The following SANBR variants were observed in gnomAD, a reference collection of about 807,000 sequenced individuals.
SANBR encodes SANT and BTB domain regulator of class switch recombination.
In SANBR, 77 loss-of-function variants were observed where a neutral mutation model predicts 101.8. The ratio of observed to expected loss-of-function variants is 0.76; its 90% CI spans 0.63 to 0.91. The LOEUF is 0.91. Ranked by LOEUF, SANBR falls within the 40% of genes least tolerant of loss-of-function variation. SANBR has a pLI of 0.00. For synonymous variants in SANBR, 279 were observed against 274.7 expected (o/e 1.02, Z -0.15); for missense variants, 875 against 853.0 (o/e 1.03, Z -0.32).
chr2:61,089,228 A>G, intron 10 of SANBR: 5 of 983,346 alleles, frequency 5.1e-6, no homozygotes, highest in Non-Finnish European at 6.0e-6. Flanking sequence ...ATTAATATGT[A>G]GGCCGGGCAC....
At chr2:61,068,079 CT>C (rs911703766) in intron 1 of SANBR, among the ~76,000 whole-genome samples, 16 of 152,156 alleles carry the variant, frequency 1.1e-4, no homozygotes, top group African/African-American at 3.9e-4. Flanking sequence ...GCTGGTCACA[CT>C]TTTGGGGAAT....
chr2:61,130,856 G>A (rs1684665264), intron 20 of SANBR, among the ~76,000 whole-genome samples: 1 of 138,674 alleles, frequency 7.2e-6, no homozygotes, highest in African/African-American at 2.7e-5. Flanking sequence ...CCTGAACTTG[G>A]GAAGTGGAGG....
At chr2:61,113,316 T>C (rs1192513007) in intron 16 of SANBR, among the ~76,000 whole-genome samples, 1 of 152,234 alleles carries the variant, frequency 6.6e-6, no homozygotes, top group African/African-American at 2.4e-5. Flanking sequence ...TCAAGGTACG[T>C]TGCATTTTCT....
chr2:61,098,602 A>G (rs1296941227), intron 12 of SANBR, among the ~76,000 whole-genome samples: 2 of 152,194 alleles, frequency 1.3e-5, no homozygotes, highest in African/African-American at 2.4e-5. Flanking sequence ...GACTGATGGT[A>G]TTACTGTGTT....
intron 13 of SANBR, among the ~76,000 whole-genome samples, chr2:61,105,706 T>A (rs1263344278): frequency 2.7e-5 from 4 of 146,608 alleles, no homozygotes; most frequent in African/African-American, 1.0e-4. Context: ...GGAGTCTCGC[T>A]CTGTCACCAG....
intron 7 of SANBR, among the ~76,000 whole-genome samples, chr2:61,082,420 G>C (rs1180449051): frequency 6.6e-6 from 1 of 152,146 alleles, no homozygotes; most frequent in Non-Finnish European, 1.5e-5. Flanking sequence ...TGTTGTAGAG[G>C]ATGGAAGGAA....
chr2:61,103,630 C>A (rs912830311), intron 12 of SANBR, among the ~76,000 whole-genome samples: 2 of 152,108 alleles, frequency 1.3e-5, no homozygotes, highest in African/African-American at 4.8e-5. Context: ...TCGTAATGTT[C>A]TAATTCTTAA....
intron 19 of SANBR, 74 bp from the exon 20 acceptor site, chr2:61,117,954 A>T: frequency 9.4e-7 from 1 of 1,067,594 alleles, no homozygotes; most frequent in Non-Finnish European, 1.4e-6. Flanking sequence ...CTAGGTGATT[A>T]CAGTCTTTTT....
intron 5 of SANBR, among the ~76,000 whole-genome samples, chr2:61,076,183 C>T (rs540593558): frequency 4.0e-5 from 6 of 150,948 alleles, no homozygotes; most frequent in East Asian, 3.9e-4. Context: ...TCAGTAGAGA[C>T]GGGGTTTCAC....
At chr2:61,104,411 G>A (rs900148099) in intron 13 of SANBR, among the ~76,000 whole-genome samples, 1 of 151,896 alleles carries the variant, frequency 6.6e-6, no homozygotes, top group Non-Finnish European at 1.5e-5. Context: ...GAACCCGGGA[G>A]GTGGAGCTGG....
intron 17 of SANBR, chr2:61,117,057 C>CAA (rs200334199): frequency 3.1e-3 from 966 of 314,742 alleles, no homozygotes; most frequent in Middle Eastern, 5.9e-3. Context: ...ACCCTGTCTT[C>CAA]AAAAAAAAAA....
chr2:61,076,822 A>G (rs1440696246), intron 5 of SANBR, 98 bp from the exon 6 acceptor site: 4 of 843,564 alleles, frequency 4.7e-6, no homozygotes, highest in Non-Finnish European at 7.5e-6. Flanking sequence ...CAGAATTTTC[A>G]AAAACATCTT....
At chr2:61,100,198 G>A (rs534285717) in intron 12 of SANBR, among the ~76,000 whole-genome samples, 11 of 152,212 alleles carry the variant, frequency 7.2e-5, no homozygotes, top group South Asian at 4.1e-4. Context: ...TCTGCCTCCC[G>A]GGCTCAAGCG....
intron 13 of SANBR, 47 bp downstream of exon 13, chr2:61,104,045 G>C (rs373543657): frequency 1.8e-5 from 28 of 1,556,662 alleles, no homozygotes; most frequent in Non-Finnish European, 2.4e-5. Flanking sequence ...TTATTCAGCA[G>C]TTCCCATTTC....
At chr2:61,126,957 T>G (rs1156424899), downstream of SANBR, among the ~76,000 whole-genome samples, 1 of 152,164 alleles carries the variant, frequency 6.6e-6, no homozygotes, top group Non-Finnish European at 1.5e-5. Flanking sequence ...CAGGTTTTAA[T>G]TTAGATCTTA....
chr2:61,122,338 T>C lies in SANBR; in HGVS notation c.*176T>C. 1.4e-5 allele frequency: 18 copies of C among 1,243,276 alleles called. No homozygotes were observed. Among genetic ancestry groups the C allele is most frequent in the Non-Finnish European group, 1.9e-5 (18 of 965,252 alleles). The allele number at this position is 1,243,276 out of a possible 1,614,324, so 77.0% of individuals were successfully genotyped here. A position where few individuals can be genotyped will look rare whatever the true frequency, so the allele number is the denominator to read the frequency against. On this transcript the variant is annotated 3_prime_UTR_variant, in exon 22 of 22. Transcript: ENST00000402291. ...ATAGTTAGGTTTTATGAAAATCTAA[T>C]TGTAAATATGAAACTTTTTAAATCT...
In SANBR at chr2:61,122,937, C is replaced by T. The variant is rs551762368; in HGVS notation, c.*775C>T. On this transcript the variant is annotated 3_prime_UTR_variant, in exon 22 of 22. Coordinates refer to ENST00000402291, the MANE Select transcript of SANBR (RefSeq NM_001129993.3). ...AAATCATTTCTGTTATATGAGACAC[C>T]CACTGTACAGTTCTCAGGGCTCTAA... The T allele has an allele frequency of 2.1e-4, 206 of 985,170 alleles. 2 individuals carry two copies. In the South Asian group the frequency reaches 7.3e-3, roughly 35 times the overall value. 61.0% of individuals were successfully genotyped at this position (985,170 alleles called of 1,614,324 possible). A position where few individuals can be genotyped will look rare whatever the true frequency, so the allele number is the denominator to read the frequency against.
At chr2:61,084,247 C>T (rs933680133) in intron 8 of SANBR, among the ~76,000 whole-genome samples, 1 of 152,084 alleles carries the variant, frequency 6.6e-6, no homozygotes, top group Non-Finnish European at 1.5e-5. Flanking sequence ...AGCCACCATG[C>T]CTGGCCAAAA....
intron 12 of SANBR, among the ~76,000 whole-genome samples, chr2:61,102,031 C>CA (rs1683310770): frequency 6.6e-6 from 1 of 151,360 alleles, no homozygotes; most frequent in Non-Finnish European, 1.5e-5. Context: ...GACTCCATCT[C>CA]AAAAAAACCA....
Sources: gnomAD v4.1 joint callset for allele counts (sites outside exome capture counted in the v4.1 genomes callset) on GRCh38, gnomAD v4.1.1 for gene constraint, MANE v1.5 for transcripts, NCBI Gene and HGNC (gene_info 2026-07-23, HGNC 2026-07-21) for gene names.